The following UTRN variants were observed in gnomAD, a reference collection of about 807,000 sequenced individuals.
UTRN encodes utrophin, also known as dystrophin-related protein 1.
UTRN carries 283 observed loss-of-function variants against 463.9 expected under a neutral mutation model. The observed-to-expected ratio is 0.61, with a 90% confidence interval of 0.55 to 0.67. The LOEUF is 0.67. UTRN is among the 30% of genes least tolerant of loss of function. UTRN has a pLI of 0.00. For synonymous variants in UTRN, 1,442 were observed against 1,431.5 expected, an observed-to-expected ratio of 1.01 and a Z score of -0.17; for missense variants, 3,922 against 4,084.3, an observed-to-expected ratio of 0.96 and a Z score of 1.08.
chr6:144,348,295 A>G (rs548626335), intron 2 of UTRN, among the ~76,000 whole-genome samples: 1 of 152,138 alleles, frequency 6.6e-6, no homozygotes, highest in South Asian at 2.1e-4. Context: ...AGGTGATTTG[A>G]TTCTTCCCCC....
At chr6:144,569,469 A>G (rs1235042651) in intron 50 of UTRN, among the ~76,000 whole-genome samples, 2 of 152,170 alleles carry the variant, frequency 1.3e-5, no homozygotes, top group East Asian at 1.9e-4. Context: ...CACCAAATTC[A>G]TACATGAGGT....
At position 144,451,395 on chromosome 6, in the gene UTRN, T is replaced by C. The variant is rs1301934081; in HGVS notation, c.2098T>C (p.Leu700=). ...KKFDAISAEL[L]NWILKWKTAI... ...GTTTGATGCTATAAGTGCAGAGCTGTTGAACTGGATTTTGAAATGGAAAAC... is the reference window on the plus strand; with the variant it reads ...GTTTGATGCTATAAGTGCAGAGCTGCTGAACTGGATTTTGAAATGGAAAAC... Residue 700 remains leucine (L), a synonymous_variant, in exon 18 of 75, where the codon TTG becomes CTG. Coordinates refer to ENST00000367545, the MANE Select transcript of UTRN (RefSeq NM_007124.3). 6.2e-7 allele frequency: 1 copy of C among 1,613,462 alleles called. No individual in the cohort carries two copies. The highest frequency in any genetic ancestry group is 1.7e-5 in the Admixed American group (1 of 59,990).
intron 51 of UTRN, among the ~76,000 whole-genome samples, chr6:144,617,111 A>G (rs1333576623): frequency 6.6e-6 from 1 of 152,166 alleles, no homozygotes; most frequent in Admixed American, 6.6e-5. Context: ...TTCTTGAGAT[A>G]TCAGTGGATA....
intron 2 of UTRN, among the ~76,000 whole-genome samples, chr6:144,351,957 C>G (rs995284038): frequency 6.6e-6 from 1 of 152,190 alleles, no homozygotes; most frequent in African/African-American, 2.4e-5. Flanking sequence ...CCTGGCTCAG[C>G]CAGTCTCTTG....
intron 73 of UTRN, among the ~76,000 whole-genome samples, chr6:144,841,214 C>G (rs996992303): frequency 1.3e-5 from 2 of 152,184 alleles, no homozygotes; most frequent in African/African-American, 4.8e-5. Flanking sequence ...ATGGAAACAG[C>G]CTTTCTAGTG....
chr6:144,608,386 A>G (rs34053805), intron 51 of UTRN, among the ~76,000 whole-genome samples: 23,809 of 152,144 alleles, frequency 0.16, 2,067 homozygotes, highest in South Asian at 0.27. Context: ...GCAAGGTGGT[A>G]GAATAGAAGT....
intron 51 of UTRN, among the ~76,000 whole-genome samples, chr6:144,648,236 T>C (rs1316920100): frequency 6.6e-6 from 1 of 152,130 alleles, no homozygotes; most frequent in African/African-American, 2.4e-5. Context: ...TCATTCCCAA[T>C]AGAGTGAAAA....
intron 2 of UTRN, among the ~76,000 whole-genome samples, chr6:144,343,339 C>G (rs968501317): frequency 6.6e-6 from 1 of 150,410 alleles, no homozygotes; most frequent in Non-Finnish European, 1.5e-5. Flanking sequence ...GCCTGACCAA[C>G]ATGGTGAAAT....
chr6:144,789,301 C>T, intron 62 of UTRN, 22 bp downstream of exon 62: 1 of 1,537,690 alleles, frequency 6.5e-7, no homozygotes, highest in East Asian at 2.3e-5. Flanking sequence ...CTTTCTTATA[C>T]CAACAGTGTT....
intron 2 of UTRN, 119 bp downstream of exon 2, chr6:144,292,026 A>G: frequency 1.0e-6 from 1 of 954,830 alleles, no homozygotes; most frequent in Non-Finnish European, 1.5e-6. Flanking sequence ...CTTTTAAGAA[A>G]CTGAATTCTG....
chr6:144,519,449 G>C (rs1022909450), intron 39 of UTRN, among the ~76,000 whole-genome samples: 9 of 152,144 alleles, frequency 5.9e-5, no homozygotes, highest in Non-Finnish European at 8.8e-5. Context: ...TTTAATCTTT[G>C]CTATATGATG....
intron 69 of UTRN, among the ~76,000 whole-genome samples, chr6:144,832,192 A>G (rs1368902328): frequency 6.6e-6 from 1 of 152,198 alleles, no homozygotes; most frequent in Non-Finnish European, 1.5e-5. Flanking sequence ...GGTTTTTACT[A>G]TATGTAATTA....
At chr6:144,690,213 C>T (rs374396336) in intron 52 of UTRN, among the ~76,000 whole-genome samples, 2 of 148,832 alleles carry the variant, frequency 1.3e-5, no homozygotes, top group African/African-American at 2.5e-5. Flanking sequence ...CACAGGCAGA[C>T]GCAAGCAGCA....
At chr6:144,697,879 C>T (rs967658168) in intron 52 of UTRN, among the ~76,000 whole-genome samples, 8 of 152,146 alleles carry the variant, frequency 5.3e-5, no homozygotes, top group African/African-American at 1.4e-4. Context: ...GTTTGCAACT[C>T]AATTTCAAAG....
rs74876066 is a variant in UTRN, at chr6:144,725,569, G to A, written c.7810-4788G>A. Among the ~76,000 whole-genome samples, 27 of 152,250 alleles carry A rather than the reference G, an allele frequency of 1.8e-4. No individual in the cohort carries two copies. The East Asian group carries it at 2.9e-3, about 16-fold the overall frequency. On this transcript the variant is annotated intron_variant, in intron 53 of 74. Coordinates refer to ENST00000367545, the MANE Select transcript of UTRN (RefSeq NM_007124.3). ...TTAAGGTGGCCCATATATCAGTCAC[G>A]TGATATTAGAACTTAAAGCTGAATG...
chr6:144,825,338 T>C (rs1243403886), intron 66 of UTRN, among the ~76,000 whole-genome samples: 1 of 152,234 alleles, frequency 6.6e-6, no homozygotes, highest in Non-Finnish European at 1.5e-5. Context: ...TTTCCAAGGC[T>C]TTGTAATGAT....
At chr6:144,656,879 C>T (rs1439417129) in intron 51 of UTRN, among the ~76,000 whole-genome samples, 1 of 152,100 alleles carries the variant, frequency 6.6e-6, no homozygotes, top group Admixed American at 6.5e-5. Flanking sequence ...TAAAAAAAAT[C>T]TTTCAAATGA....
intron 2 of UTRN, among the ~76,000 whole-genome samples, chr6:144,356,678 T>C (rs535781292): frequency 1.3e-5 from 2 of 152,232 alleles, no homozygotes; most frequent in African/African-American, 4.8e-5. Context: ...TTGGGTGTGG[T>C]GGCGAATGCC....
At chr6:144,604,676 G>C (rs1804640033) in intron 51 of UTRN, among the ~76,000 whole-genome samples, 2 of 152,084 alleles carry the variant, frequency 1.3e-5, no homozygotes, top group African/African-American at 4.8e-5. Flanking sequence ...CACTTTGGGA[G>C]GCTGAGGAAG....
Sources: gnomAD v4.1 joint callset for allele counts (sites outside exome capture counted in the v4.1 genomes callset) on GRCh38, gnomAD v4.1.1 for gene constraint, MANE v1.5 for transcripts, NCBI Gene and HGNC (gene_info 2026-07-23, HGNC 2026-07-21) for gene names.